SPAG16: variants seen among roughly 807,000 people sequenced by gnomAD.
SPAG16 encodes the protein sperm associated antigen 16.
SPAG16 carries 86 observed loss-of-function variants against 80.4 expected under a neutral mutation model. That is an observed-to-expected ratio of 1.07 (90% CI 0.90 to 1.28). SPAG16 has a LOEUF of 1.28. SPAG16 is among the 50% of genes most tolerant of loss of function. SPAG16 has a pLI of 0.00. For missense variants in SPAG16, 870 were observed against 765.3 expected (o/e 1.14, Z -1.61); for synonymous variants, 294 against 265.9 (o/e 1.11, Z -1.03).
At chr2:213,966,073 A>G (rs1213700251) in intron 12 of SPAG16, among the ~76,000 whole-genome samples, 1 of 152,150 alleles carries the variant, frequency 6.6e-6, no homozygotes, top group Non-Finnish European at 1.5e-5. Context: ...AGTTTCTGCA[A>G]CATATACCTA....
intron 12 of SPAG16, among the ~76,000 whole-genome samples, chr2:213,959,643 G>GGT (rs1283257837): frequency 1.3e-5 from 2 of 152,124 alleles, no homozygotes; most frequent in African/African-American, 4.8e-5. Context: ...TAATTACACA[G>GGT]GTACTCTTCC....
intron 15 of SPAG16, among the ~76,000 whole-genome samples, chr2:214,389,643 C>A (rs1213959944): frequency 6.6e-6 from 1 of 152,192 alleles, no homozygotes; most frequent in South Asian, 2.1e-4. Context: ...AGTAAGAGAA[C>A]AAGCTTAATA....
At chr2:213,489,041 A>G (rs927430108) in intron 9 of SPAG16, among the ~76,000 whole-genome samples, 1 of 147,254 alleles carries the variant, frequency 6.8e-6, no homozygotes, top group Non-Finnish European at 1.5e-5. Context: ...CGCCACTGCA[A>G]TCCATCCTGG....
In SPAG16 at chr2:213,621,214, T is replaced by G. The variant is rs2061770886; in HGVS notation, c.1070+131124T>G. 3.3e-5 allele frequency among the ~76,000 whole-genome samples: 5 copies of G among 152,292 alleles called. 1 individual carries two copies. The South Asian group carries it at 1.0e-3, about 32-fold the overall frequency. The stretch of plus-strand genomic sequence containing the variant: ...TTTCAAAAATCAAATTAATGAAATA[T>G]TTAGATTGATCTTTTTTGTTAGTCA... On this transcript the variant is annotated intron_variant, in intron 10 of 15. Coordinates refer to ENST00000331683, the MANE Select transcript of SPAG16 (RefSeq NM_024532.5).
chr2:213,615,536 A>C (rs2061565310), intron 10 of SPAG16, among the ~76,000 whole-genome samples: 1 of 152,228 alleles, frequency 6.6e-6, no homozygotes, highest in African/African-American at 2.4e-5. Context: ...GGTTGCAGCG[A>C]GCTGAGATCA....
chr2:213,976,833 T>G (rs2045434223), intron 12 of SPAG16, among the ~76,000 whole-genome samples: 1 of 152,074 alleles, frequency 6.6e-6, no homozygotes. Flanking sequence ...GTTTGTTTGT[T>G]TGTTTGTTTG....
At chr2:213,698,363 G>C (rs1266213185) in intron 10 of SPAG16, among the ~76,000 whole-genome samples, 2 of 152,136 alleles carry the variant, frequency 1.3e-5, no homozygotes, top group Non-Finnish European at 2.9e-5. Context: ...CCGGGCTCAA[G>C]TAATCCTCAC....
At chr2:213,940,486 G>A (rs183772425) in intron 12 of SPAG16, among the ~76,000 whole-genome samples, 9 of 152,060 alleles carry the variant, frequency 5.9e-5, no homozygotes, top group East Asian at 1.9e-4. Context: ...TAGGAATAGC[G>A]TTCTCCTTAT....
intron 10 of SPAG16, among the ~76,000 whole-genome samples, chr2:213,538,748 C>T (rs1227428805): frequency 6.6e-6 from 1 of 152,062 alleles, no homozygotes; most frequent in Non-Finnish European, 1.5e-5. Flanking sequence ...ACAAAAAATA[C>T]TATTTACCAT....
In SPAG16 at chr2:214,005,466, G is replaced by T. The variant is rs536268183; in HGVS notation, c.1401-8485G>T. On this transcript the variant is annotated intron_variant, in intron 12 of 15. Coordinates refer to ENST00000331683, the MANE Select transcript of SPAG16 (RefSeq NM_024532.5). ...TATTAGTATATTTTTATCATCGAGGGTTTTGGCCAAGAACTTCTTTTGTTT... is the reference window on the plus strand; with the variant it reads ...TATTAGTATATTTTTATCATCGAGGTTTTTGGCCAAGAACTTCTTTTGTTT... Among the ~76,000 whole-genome samples, 3 of 152,254 alleles carry T rather than the reference G, an allele frequency of 2.0e-5. No individual in the cohort carries two copies. The South Asian group carries it at 6.2e-4, about 32-fold the overall frequency.
At position 214,012,290 on chromosome 2, in the gene SPAG16, T is replaced by TGTATATATA. The variant is rs1325731907; in HGVS notation, c.1401-1661_1401-1660insGTATATATA. Among the ~76,000 whole-genome samples the TGTATATATA allele has an allele frequency of 4.5e-5, 2 of 44,574 alleles. 1 individual carries two copies. The highest frequency in any genetic ancestry group is 9.4e-5 in the Non-Finnish European group (2 of 21,312). The allele number at this position is 44,574 out of a possible 152,430, so 29.2% of individuals were successfully genotyped here. ...TATATATATATATATATATATATAT[T>TGTATATATA]TTTTTTTTTTTTTTTTTTTCCTCGA... is the stretch of plus-strand genomic sequence containing the variant. On this transcript the variant is annotated intron_variant, in intron 12 of 15. Coordinates refer to ENST00000331683, the MANE Select transcript of SPAG16 (RefSeq NM_024532.5).
chr2:214,170,277 C>T (rs11274218), intron 15 of SPAG16, among the ~76,000 whole-genome samples: 28,907 of 108,078 alleles, frequency 0.27, 3,319 homozygotes, highest in Non-Finnish European at 0.33. Flanking sequence ...CTTAGGTGTG[C>T]GTACATATAC....
chr2:213,617,667 G>A (rs1196810796), intron 10 of SPAG16, among the ~76,000 whole-genome samples: 3 of 152,036 alleles, frequency 2.0e-5, no homozygotes, highest in African/African-American at 7.2e-5. Flanking sequence ...TTAAAAATGA[G>A]CAAGGCATAG....
At chr2:213,449,323 G>A (rs191465159) in intron 9 of SPAG16, among the ~76,000 whole-genome samples, 14 of 152,262 alleles carry the variant, frequency 9.2e-5, no homozygotes, top group East Asian at 5.8e-4. Flanking sequence ...CAATGGCTCT[G>A]CTTTTTCCCT....
chr2:213,886,439 T>C (rs1166950334), intron 11 of SPAG16, among the ~76,000 whole-genome samples: 1 of 152,020 alleles, frequency 6.6e-6, no homozygotes, highest in Non-Finnish European at 1.5e-5. Flanking sequence ...GACTATTGAT[T>C]CTGAGGCTGT....
At chr2:213,805,830 T>TA (rs796256179) in intron 10 of SPAG16, among the ~76,000 whole-genome samples, 9 of 152,226 alleles carry the variant, frequency 5.9e-5, no homozygotes, top group African/African-American at 2.2e-4. Flanking sequence ...TTTTAAATTT[T>TA]AAAATATTTT....
intron 15 of SPAG16, among the ~76,000 whole-genome samples, chr2:214,196,050 C>G (rs1275391212): frequency 3.3e-5 from 5 of 151,860 alleles, no homozygotes; most frequent in Admixed American, 6.6e-5. Flanking sequence ...GAACCAGAAT[C>G]GCCCATATTT....
chr2:213,715,266 A>ATCTATCTATCTATCTG (rs3076744), intron 10 of SPAG16, among the ~76,000 whole-genome samples: 15,506 of 150,958 alleles, frequency 0.1, 999 homozygotes, highest in Middle Eastern at 0.16. Flanking sequence ...CTATCTATCT[A>ATCTATCTATCTATCTG]TCCATTCATC....
intron 10 of SPAG16, among the ~76,000 whole-genome samples, chr2:213,593,101 C>G (rs1386865088): frequency 6.6e-6 from 1 of 152,002 alleles, no homozygotes; most frequent in Non-Finnish European, 1.5e-5. Flanking sequence ...AGAGAAACAC[C>G]TAATATACTG....
Sources: allele counts gnomAD v4.1 joint callset (sites outside exome capture counted in the v4.1 genomes callset), GRCh38; gene constraint gnomAD v4.1.1; transcripts MANE v1.5; gene names NCBI Gene and HGNC (gene_info 2026-07-23, HGNC 2026-07-21).